Variants in VPS41 observed in about 807,000 individuals in gnomAD.
VPS41 encodes the protein VPS41 subunit of HOPS complex.
VPS41 carries 85 observed loss-of-function variants against 130.9 expected under a neutral mutation model. The observed-to-expected ratio is 0.65, with a 90% CI of 0.55 to 0.78. VPS41 has a LOEUF of 0.78. Ranked by LOEUF, VPS41 falls within the 30% of genes least tolerant of loss-of-function variation. VPS41 has a pLI of 0.00. For missense variants in VPS41, 874 were observed against 1,018.7 expected (o/e 0.86, Z 1.93); for synonymous variants, 335 against 332.9 (o/e 1.01, Z -0.07).
At chr7:38,789,029 T>G (rs1784488866) in intron 10 of VPS41, among the ~76,000 whole-genome samples, 1 of 152,206 alleles carries the variant, frequency 6.6e-6, no homozygotes, top group Non-Finnish European at 1.5e-5. Flanking sequence ...ATGGCAATTT[T>G]TTTTCTCAGA....
chr7:38,792,522 C>T (rs1468822445), intron 9 of VPS41, among the ~76,000 whole-genome samples: 3 of 152,184 alleles, frequency 2.0e-5, no homozygotes, highest in Non-Finnish European at 4.4e-5. Context: ...CAGAGTCTAC[C>T]ATCAAAATAT....
In VPS41 at chr7:38,794,217, C is replaced by T. The variant is rs1389653596; in HGVS notation, c.717+1248G>A. On this transcript the variant is annotated intron_variant, in intron 9 of 28. Coordinates refer to ENST00000310301, the MANE Select transcript of VPS41 (RefSeq NM_014396.4). Reference sequence around the variant, plus strand: ...GAATATAAATTTATTGGATGAGTAACCACACACGTGGGACAGGGAGCCCAG... The same window carrying T: ...GAATATAAATTTATTGGATGAGTAATCACACACGTGGGACAGGGAGCCCAG... Among the ~76,000 whole-genome samples the T allele has an allele frequency of 3.3e-5, 5 of 152,086 alleles. No homozygotes were observed. The East Asian group carries it at 9.6e-4, about 29-fold the overall frequency.
chr7:38,877,601 A>G (rs939799857), intron 2 of VPS41, among the ~76,000 whole-genome samples: 1 of 152,164 alleles, frequency 6.6e-6, no homozygotes, highest in African/African-American at 2.4e-5. Context: ...ATGCCTCTCG[A>G]GCATTTCCAA....
intron 24 of VPS41, among the ~76,000 whole-genome samples, 155 bp from the exon 25 acceptor site, chr7:38,742,276 A>G (rs947829538): frequency 2.6e-5 from 4 of 152,250 alleles, no homozygotes; most frequent in African/African-American, 9.6e-5. Context: ...TTGAATTTCT[A>G]AACTCTTAAG....
At chr7:38,778,012 T>G (rs1784292552) in intron 10 of VPS41, among the ~76,000 whole-genome samples, 1 of 152,228 alleles carries the variant, frequency 6.6e-6, no homozygotes, top group African/African-American at 2.4e-5. Flanking sequence ...ATGATCCTCC[T>G]TACGCAGCTG....
chr7:38,731,158 G>A (rs527886894), intron 25 of VPS41, among the ~76,000 whole-genome samples: 2 of 152,232 alleles, frequency 1.3e-5, no homozygotes, highest in Non-Finnish European at 2.9e-5. Flanking sequence ...TATGATCCCA[G>A]GCAGGTATTT....
intron 4 of VPS41, among the ~76,000 whole-genome samples, chr7:38,840,406 T>C (rs1462888884): frequency 6.6e-6 from 1 of 152,204 alleles, no homozygotes; most frequent in Non-Finnish European, 1.5e-5. Flanking sequence ...GGGGAAATTA[T>C]TTAATGACAG....
intron 22 of VPS41, 65 bp from the exon 23 acceptor site, chr7:38,745,678 T>C (rs542659397): frequency 8.2e-7 from 1 of 1,226,640 alleles, no homozygotes. Context: ...AGTAATAAAG[T>C]CATTTAAACT....
intron 4 of VPS41, among the ~76,000 whole-genome samples, chr7:38,856,191 C>T (rs1459213116): frequency 6.6e-6 from 1 of 152,150 alleles, no homozygotes; most frequent in Non-Finnish European, 1.5e-5. Context: ...CAGTCTTGCT[C>T]TGTCAACCAG....
At position 38,836,617 on chromosome 7, in the gene VPS41, A is replaced by C. The variant is rs186251742; in HGVS notation, c.247-6289T>G. Reference sequence around the variant, plus strand: ...TCTTTGTACCTTATTACACATTTTAAATTTTTATTTGGAGTGATTTTTGAA... The same window carrying C: ...TCTTTGTACCTTATTACACATTTTACATTTTTATTTGGAGTGATTTTTGAA... On this transcript the variant is annotated intron_variant, in intron 4 of 28. Coordinates refer to ENST00000310301, the MANE Select transcript of VPS41 (RefSeq NM_014396.4). Among the ~76,000 whole-genome samples, 597 of 152,248 alleles carry C rather than the reference A, an allele frequency of 3.9e-3. 1 individual carries two copies. Among genetic ancestry groups the C allele is most frequent in the Non-Finnish European group, 5.1e-3 (344 of 67,966 alleles).
intron 1 of VPS41, among the ~76,000 whole-genome samples, chr7:38,902,720 GC>G (rs1787171674): frequency 6.6e-6 from 1 of 152,076 alleles, no homozygotes. Context: ...AAGGCCCCTG[GC>G]CCCATCCTGC....
In VPS41 at chr7:38,817,801, G is replaced by A. The variant is rs770351641; in HGVS notation, c.450+16C>T. On this transcript the variant is annotated intron_variant, in intron 7 of 28. Coordinates refer to ENST00000310301, the MANE Select transcript of VPS41 (RefSeq NM_014396.4). ...CCTCAAGGCTACATATCAAGGTAGAGACACACAGCACTTACCTTCTTCCCT... is the reference window on the plus strand; with the variant it reads ...CCTCAAGGCTACATATCAAGGTAGAAACACACAGCACTTACCTTCTTCCCT... The A allele has an allele frequency of 1.9e-6, 3 of 1,608,250 alleles. No individual in the cohort carries two copies. The highest frequency in any genetic ancestry group is 1.1e-5 in the South Asian group (1 of 90,928).
At chr7:38,752,495 C>T (rs936237350) in intron 21 of VPS41, among the ~76,000 whole-genome samples, 182 bp from the exon 22 acceptor site, 5 of 152,022 alleles carry the variant, frequency 3.3e-5, no homozygotes, top group South Asian at 4.2e-4. Context: ...CAAAGGATTC[C>T]GATAATTTCT....
chr7:38,874,776 T>C (rs370931894), intron 2 of VPS41, among the ~76,000 whole-genome samples: 37 of 152,156 alleles, frequency 2.4e-4, no homozygotes, highest in African/African-American at 7.0e-4. Flanking sequence ...GATGAAGCTA[T>C]AAAATACAGG....
chr7:38,830,161 G>T, intron 5 of VPS41, 93 bp downstream of exon 5: 1 of 790,896 alleles, frequency 1.3e-6, no homozygotes, highest in Non-Finnish European at 2.3e-6. Context: ...AATCAAGATT[G>T]TCTTAATGCA....
intron 10 of VPS41, among the ~76,000 whole-genome samples, chr7:38,783,785 G>A (rs916457825): frequency 1.8e-4 from 27 of 151,924 alleles, no homozygotes; most frequent in African/African-American, 6.0e-4. Context: ...AGATTACAAA[G>A]GATAAAAATC....
At chr7:38,834,505 G>A (rs1279267298) in intron 4 of VPS41, among the ~76,000 whole-genome samples, 1 of 152,156 alleles carries the variant, frequency 6.6e-6, no homozygotes, top group Non-Finnish European at 1.5e-5. Context: ...AAACGGAGAA[G>A]TCAGAGAGTT....
intron 4 of VPS41, among the ~76,000 whole-genome samples, chr7:38,854,846 G>A (rs1239391588): frequency 8.3e-5 from 2 of 24,106 alleles, no homozygotes; most frequent in Non-Finnish European, 1.4e-4. Context: ...CGTTCAAGAA[G>A]TGGAGAAAAA....
chr7:38,825,154 G>T (rs1347313604), intron 5 of VPS41, among the ~76,000 whole-genome samples: 1 of 152,208 alleles, frequency 6.6e-6, no homozygotes, highest in Non-Finnish European at 1.5e-5. Flanking sequence ...CCACAGTAGG[G>T]GCTGGAGGAG....
Sources: allele counts gnomAD v4.1 joint callset (sites outside exome capture counted in the v4.1 genomes callset), GRCh38; gene constraint gnomAD v4.1.1; transcripts MANE v1.5; gene names NCBI Gene and HGNC (gene_info 2026-07-23, HGNC 2026-07-21).